NRXN3: variants seen among roughly 807,000 people sequenced by gnomAD.
NRXN3 encodes the protein neurexin 3, also known as neurexin III.
A neutral mutation model predicts 137.6 loss-of-function variants in NRXN3; 32 were observed. That is an observed-to-expected ratio of 0.23 (90% CI 0.18 to 0.31). NRXN3 has a LOEUF of 0.31. Ranked by LOEUF, NRXN3 falls within the 10% of genes least tolerant of loss-of-function variation. NRXN3 has a pLI of 1.00. For missense variants in NRXN3, 1,574 were observed against 2,062.5 expected, an observed-to-expected ratio of 0.76 and a Z score of 4.59; for synonymous variants, 798 against 784.5, an observed-to-expected ratio of 1.02 and a Z score of -0.29.
intron 4 of NRXN3, among the ~76,000 whole-genome samples, chr14:78,373,245 A>G (rs980365846): frequency 1.5e-5 from 2 of 134,710 alleles, no homozygotes; most frequent in African/African-American, 2.8e-5. Flanking sequence ...CAGTGGTTGT[A>G]GGTAGGTTGG....
At chr14:78,903,453 T>C (rs915336847) in intron 10 of NRXN3, among the ~76,000 whole-genome samples, 1 of 152,052 alleles carries the variant, frequency 6.6e-6, no homozygotes, top group African/African-American at 2.4e-5. Flanking sequence ...AAGTTTCATC[T>C]TTCTAGTCCA....
chr14:79,217,823 A>C (rs1164847733), intron 15 of NRXN3, among the ~76,000 whole-genome samples: 1 of 152,212 alleles, frequency 6.6e-6, no homozygotes, highest in East Asian at 1.9e-4. Flanking sequence ...CAATCTTGAG[A>C]ACCATTGCTT....
chr14:78,716,325 A>G (rs1360534946), intron 8 of NRXN3, among the ~76,000 whole-genome samples: 1 of 152,204 alleles, frequency 6.6e-6, no homozygotes, highest in African/African-American at 2.4e-5. Flanking sequence ...GCAGGCTGTC[A>G]ACTTCTATAT....
rs373364451 is a variant in NRXN3 at position 79,351,817 on chromosome 14, A to G, written c.3263-115404A>G. Reference sequence around the variant, plus strand: ...CATTTCATGCAGAGTGCATATTTTAACTTTGTATTCTAAAGGCATTGGTGT... The same window carrying G: ...CATTTCATGCAGAGTGCATATTTTAGCTTTGTATTCTAAAGGCATTGGTGT... On this transcript the variant is annotated intron_variant, in intron 15 of 20. Coordinates refer to ENST00000335750, the MANE Select transcript of NRXN3 (RefSeq NM_001330195.2). 5.9e-5 allele frequency among the ~76,000 whole-genome samples: 9 copies of G among 152,288 alleles called. 1 individual carries two copies. In the East Asian group the frequency reaches 9.6e-4, roughly 16 times the overall value.
chr14:78,599,775 G>A (rs1186691912), intron 4 of NRXN3, among the ~76,000 whole-genome samples: 1 of 152,158 alleles, frequency 6.6e-6, no homozygotes, highest in Admixed American at 6.5e-5. Flanking sequence ...GATACTTGTG[G>A]TGTTCTAAAG....
chr14:78,444,707 G>T (rs748278046), intron 4 of NRXN3, among the ~76,000 whole-genome samples: 19 of 151,858 alleles, frequency 1.3e-4, no homozygotes, highest in Non-Finnish European at 2.6e-4. Context: ...ATGATCTGAG[G>T]TCAGGAGTTT....
At chr14:78,444,065 T>A (rs2094339920) in intron 4 of NRXN3, among the ~76,000 whole-genome samples, 2 of 152,214 alleles carry the variant, frequency 1.3e-5, no homozygotes. Flanking sequence ...AACTGAAATA[T>A]TAAGATTTCA....
intron 10 of NRXN3, among the ~76,000 whole-genome samples, chr14:78,888,954 C>A (rs1386416551): frequency 6.6e-6 from 1 of 151,698 alleles, no homozygotes; most frequent in Non-Finnish European, 1.5e-5. Flanking sequence ...GGGCAAGTCA[C>A]TTAATTTTTC....
intron 4 of NRXN3, among the ~76,000 whole-genome samples, chr14:78,513,209 G>T (rs768075500): frequency 1.3e-5 from 2 of 152,162 alleles, no homozygotes; most frequent in African/African-American, 2.4e-5. Context: ...GTGTGATCTT[G>T]CACAACTTCT....
chr14:78,424,837 A>G (rs1277420439), intron 4 of NRXN3, among the ~76,000 whole-genome samples: 2 of 152,236 alleles, frequency 1.3e-5, no homozygotes, highest in Non-Finnish European at 2.9e-5. Context: ...AAACTGAGGC[A>G]CAGAGAAATA....
Position 79,489,679 on chromosome 14 carries a change from T to C in NRXN3, c.3444+22277T>C, listed in dbSNP as rs147964174. ...ACATCTATGGAAATGAGTTGGAGTA[T>C]AGGCGATAATTAACCTGGAAGGGAA... On this transcript the variant is annotated intron_variant, in intron 16 of 20. Coordinates refer to ENST00000335750, the MANE Select transcript of NRXN3 (RefSeq NM_001330195.2). 2.0e-3 allele frequency among the ~76,000 whole-genome samples: 301 copies of C among 152,246 alleles called. 1 individual carries two copies. Among genetic ancestry groups the C allele is most frequent in the African/African-American group, 7.1e-3 (293 of 41,544 alleles).
intron 4 of NRXN3, among the ~76,000 whole-genome samples, chr14:78,314,880 TCTTTCTTTCTTTC>T (rs1567234098): frequency 0.037 from 3,159 of 86,192 alleles, 71 homozygotes; most frequent in African/African-American, 0.04. Context: ...TCTTTTCCGT[TCTTTCTTTCTTTC>T]TCTTTCTTTC....
At chr14:79,659,018 C>T (rs976167372) in intron 16 of NRXN3, among the ~76,000 whole-genome samples, 1 of 152,144 alleles carries the variant, frequency 6.6e-6, no homozygotes, top group African/African-American at 2.4e-5. Flanking sequence ...TGGAGTCTGA[C>T]CCTGGTGTCG....
intron 2 of NRXN3, among the ~76,000 whole-genome samples, chr14:78,248,043 C>T (rs1460106854): frequency 6.6e-6 from 1 of 152,206 alleles, no homozygotes; most frequent in Non-Finnish European, 1.5e-5. Flanking sequence ...CATGCCATCA[C>T]ATTTTACGTT....
intron 10 of NRXN3, among the ~76,000 whole-genome samples, chr14:78,941,188 T>C (rs772808477): frequency 2.0e-5 from 3 of 152,144 alleles, no homozygotes; most frequent in Admixed American, 6.6e-5. Context: ...CAGCATCACC[T>C]TAAAATCAAT....
intron 15 of NRXN3, among the ~76,000 whole-genome samples, chr14:79,108,317 A>G (rs575619436): frequency 6.6e-6 from 1 of 152,280 alleles, no homozygotes; most frequent in South Asian, 2.1e-4. Context: ...AATGAAAATC[A>G]TCTGTTATGC....
chr14:79,535,361 G>T (rs2097202110), intron 16 of NRXN3, among the ~76,000 whole-genome samples: 1 of 152,188 alleles, frequency 6.6e-6, no homozygotes, highest in African/African-American at 2.4e-5. Flanking sequence ...GGGAGAATGA[G>T]TGTGTTGTGA....
intron 8 of NRXN3, among the ~76,000 whole-genome samples, chr14:78,790,445 C>T (rs922332105): frequency 6.6e-6 from 1 of 152,140 alleles, no homozygotes; most frequent in Non-Finnish European, 1.5e-5. Context: ...ACCCCACATC[C>T]ATTTTGTTGA....
At chr14:78,723,811 G>A (rs74065089) in intron 8 of NRXN3, among the ~76,000 whole-genome samples, 39 of 152,046 alleles carry the variant, frequency 2.6e-4, no homozygotes, top group African/African-American at 8.9e-4. Context: ...TTTTTCTTGT[G>A]TGGTGGAAAT....
Sources: allele counts gnomAD v4.1 joint callset (sites outside exome capture counted in the v4.1 genomes callset), GRCh38; gene constraint gnomAD v4.1.1; transcripts MANE v1.5; gene names NCBI Gene and HGNC (gene_info 2026-07-23, HGNC 2026-07-21).